TUBGCP3: variants seen among roughly 807,000 people sequenced by gnomAD.
The protein encoded by TUBGCP3 is tubulin gamma complex component 3.
A neutral mutation model predicts 123.1 loss-of-function variants in TUBGCP3; 50 were observed. That is an observed-to-expected ratio of 0.41 (90% CI 0.32 to 0.51). The LOEUF is 0.51. TUBGCP3 is among the 20% of genes least tolerant of loss of function. The pLI is 0.36. For missense variants in TUBGCP3, 882 were observed against 1,127.0 expected (o/e 0.78, Z 3.11); for synonymous variants, 405 against 413.9 (o/e 0.98, Z 0.26).
At position 112,486,162 on chromosome 13, in the gene TUBGCP3, G is replaced by A. The variant is rs150171052; in HGVS notation, c.2566-11C>T. The A allele has an allele frequency of 4.3e-6, 7 of 1,609,608 alleles. No individual in the cohort carries two copies. In the East Asian group the frequency reaches 8.9e-5, roughly 21 times the overall value. On this transcript the variant is annotated splice_polypyrimidine_tract_variant and intron_variant, in intron 21 of 21. Coordinates refer to ENST00000261965, the MANE Select transcript of TUBGCP3 (RefSeq NM_006322.6). ...CTGCTGCACGATACCCTAAAAAGAAGCAAAAGGAGTAAAATATTGTTTCAG... is the reference window on the plus strand; with the variant it reads ...CTGCTGCACGATACCCTAAAAAGAAACAAAAGGAGTAAAATATTGTTTCAG...
At chr13:112,495,749 A>C (rs889926453) in intron 20 of TUBGCP3, among the ~76,000 whole-genome samples, 1 of 152,232 alleles carries the variant, frequency 6.6e-6, no homozygotes, top group Non-Finnish European at 1.5e-5. Context: ...TCAGGTTACT[A>C]TCTTAGATAA....
upstream of TUBGCP3, among the ~76,000 whole-genome samples, chr13:112,592,469 C>T (rs1355552860): frequency 6.6e-6 from 1 of 152,168 alleles, no homozygotes; most frequent in African/African-American, 2.4e-5. The surrounding 1 kb of genome is among the most constrained non-coding windows in gnomAD (Gnocchi z 4.1). Context: ...TCATTTTCCC[C>T]CACGGCACTG....
chr13:112,569,582 C>T (rs548221892), intron 1 of TUBGCP3, among the ~76,000 whole-genome samples: 1 of 152,194 alleles, frequency 6.6e-6, no homozygotes, highest in South Asian at 2.1e-4. Context: ...GAAGAGGAGG[C>T]CGGGTCAAGA....
At position 112,545,119 on chromosome 13, in the gene TUBGCP3, G is replaced by A. The variant is rs144756688; in HGVS notation, c.1335+580C>T. On this transcript the variant is annotated intron_variant, in intron 11 of 21. Transcript: ENST00000261965. This position sits in a 1 kb window ranked among gnomAD's most constrained non-coding sequence, Gnocchi z 4.1. ...GCTTATGTATTTCTTAAACTTTAAC[G>A]TGTTAAACTGCACTACAACTTTTGT... The A allele has an allele frequency of 1.9e-3, 291 of 153,080 alleles. 2 individuals are homozygous for A. Among genetic ancestry groups the A allele is most frequent in the East Asian group, 0.014 (75 of 5,192 alleles). 9.5% of individuals were successfully genotyped at this position (153,080 alleles called of 1,614,324 possible). A position where few individuals can be genotyped will look rare whatever the true frequency, so the allele number is the denominator to read the frequency against.
rs143537420 is a variant in TUBGCP3 at position 112,517,078 on chromosome 13, G to A, written c.1951-503C>T. Reference sequence around the variant, plus strand: ...GTCACCCAGGCTGGAGTGTAGTGGTGAGAACTCAGCTCACTGCAACCTCCG... The same window carrying A: ...GTCACCCAGGCTGGAGTGTAGTGGTAAGAACTCAGCTCACTGCAACCTCCG... On this transcript the variant is annotated intron_variant, in intron 16 of 21. Transcript: ENST00000261965. 1.7e-4 allele frequency among the ~76,000 whole-genome samples: 26 copies of A among 152,248 alleles called. No homozygotes were observed. The East Asian group carries it at 4.2e-3, about 25-fold the overall frequency.
chr13:112,563,229 G>A (rs1206923663), intron 3 of TUBGCP3, among the ~76,000 whole-genome samples: 1 of 152,044 alleles, frequency 6.6e-6, no homozygotes, highest in East Asian at 1.9e-4. Context: ...TTGACCTTTC[G>A]TCCCCATGGT....
chr13:112,513,679 T>C (rs1014441942), intron 17 of TUBGCP3, among the ~76,000 whole-genome samples: 19 of 152,336 alleles, frequency 1.2e-4, no homozygotes, highest in African/African-American at 3.8e-4. Context: ...AATCAGCTAG[T>C]TGATTTCTGC....
chr13:112,527,858 TC>T (rs1194594628), intron 11 of TUBGCP3, among the ~76,000 whole-genome samples: 1 of 152,220 alleles, frequency 6.6e-6, no homozygotes, highest in Non-Finnish European at 1.5e-5. Context: ...CTCCCATCAG[TC>T]TGCCTGCCCT....
chr13:112,547,414 G>C, intron 10 of TUBGCP3: 1 of 805,266 alleles, frequency 1.2e-6, no homozygotes, highest in Non-Finnish European at 1.7e-6. Context: ...GAATCAACAC[G>C]GCCATTAAGG....
chr13:112,576,262 A>G (rs1881800501), intron 1 of TUBGCP3, among the ~76,000 whole-genome samples: 1 of 152,174 alleles, frequency 6.6e-6, no homozygotes, highest in Non-Finnish European at 1.5e-5. Context: ...CTCTTTCTCT[A>G]TAAAGGTCCT....
the TUBGCP3 span, chr13:112,602,859 C>T: frequency 6.7e-6 from 1 of 149,744 alleles, no homozygotes; most frequent in Non-Finnish European, 1.5e-5. Context: ...TTATTTTGCA[C>T]AAGTTATATT....
chr13:112,488,090 C>T (rs1447073906), intron 21 of TUBGCP3, among the ~76,000 whole-genome samples: 1 of 149,860 alleles, frequency 6.7e-6, no homozygotes, highest in Admixed American at 6.7e-5. Flanking sequence ...CAAGATCACA[C>T]CACTGCACTG....
In TUBGCP3 at chr13:112,545,942, C is replaced by A. The variant is rs1021539708; in HGVS notation, c.1169-77G>T. ...TACACACCAGTCACTTCTCACCAAC[C>A]AAAGACGCCCAAGTAATTGAGATAA... On this transcript the variant is annotated intron_variant, in intron 10 of 21. Coordinates refer to ENST00000261965, the MANE Select transcript of TUBGCP3 (RefSeq NM_006322.6). This position sits in a 1 kb window ranked among gnomAD's most constrained non-coding sequence, Gnocchi z 4.1. 1.3e-6 allele frequency: 2 copies of A among 1,496,936 alleles called. No homozygotes were observed. The highest frequency in any genetic ancestry group is 1.8e-6 in the Non-Finnish European group (2 of 1,091,318). 92.7% of individuals were successfully genotyped at this position (1,496,936 alleles called of 1,614,324 possible).
chr13:112,601,625 C>A, the TUBGCP3 span, among the ~76,000 whole-genome samples: 1 of 152,174 alleles, frequency 6.6e-6, no homozygotes, highest in East Asian at 1.9e-4. Context: ...CCTTTGGAGT[C>A]AGGTTGAAGG....
rs1195134403 is a variant in TUBGCP3 at position 112,508,578 on chromosome 13, C to G, written c.2087-3864G>C. 3.9e-5 allele frequency among the ~76,000 whole-genome samples: 6 copies of G among 152,152 alleles called. No homozygotes were observed. Among genetic ancestry groups the G allele is most frequent in the Non-Finnish European group, 8.8e-5 (6 of 68,032 alleles). ...CCTTCCACATTCCACTCCACAACTT[C>G]AAGTATCATCCAGGCTGATGACATC... On this transcript the variant is annotated intron_variant, in intron 17 of 21. Coordinates refer to ENST00000261965, the MANE Select transcript of TUBGCP3 (RefSeq NM_006322.6). The surrounding 1 kb of genome is among the most constrained non-coding windows in gnomAD (Gnocchi z 4.2).
intron 11 of TUBGCP3, among the ~76,000 whole-genome samples, chr13:112,536,402 A>G (rs1464383474): frequency 1.3e-5 from 2 of 152,246 alleles, no homozygotes; most frequent in Non-Finnish European, 2.9e-5. Flanking sequence ...CATCTTAGCA[A>G]TATCAAATCT....
chr13:112,519,123 A>G lies in TUBGCP3; in HGVS notation c.1882-80T>C. ...CTTGTTAACGCAAAGAAAAAGCAGT[A>G]AAATAATGCCCAATTGTTAAAAACT... On this transcript the variant is annotated intron_variant, in intron 15 of 21. Coordinates refer to ENST00000261965, the MANE Select transcript of TUBGCP3 (RefSeq NM_006322.6). The surrounding 1 kb of genome is among the most constrained non-coding windows in gnomAD (Gnocchi z 6.2). The G allele has an allele frequency of 8.8e-7, 1 of 1,140,630 alleles. No homozygotes were observed. The allele number at this position is 1,140,630 out of a possible 1,614,324, so 70.7% of individuals were successfully genotyped here.
intron 3 of TUBGCP3, among the ~76,000 whole-genome samples, chr13:112,560,132 CAAA>C (rs778347153): frequency 3.4e-5 from 3 of 87,672 alleles, no homozygotes; most frequent in African/African-American, 4.7e-5. Flanking sequence ...GACTCCGTCT[CAAA>C]AAAAAAAAAA....
chr13:112,571,093 G>T (rs1881356262), intron 1 of TUBGCP3, among the ~76,000 whole-genome samples: 1 of 152,108 alleles, frequency 6.6e-6, no homozygotes, highest in Non-Finnish European at 1.5e-5. Context: ...CATCATGGCT[G>T]GAATCACTTT....
Sources: allele counts gnomAD v4.1 joint callset (sites outside exome capture counted in the v4.1 genomes callset), GRCh38; gene constraint gnomAD v4.1.1; non-coding constraint Gnocchi (gnomAD v3.1); transcripts MANE v1.5; gene names NCBI Gene and HGNC (gene_info 2026-07-23, HGNC 2026-07-21).